Variants in TSPAN7 observed in about 807,000 individuals in gnomAD.
The protein encoded by TSPAN7 is tetraspanin-7.
A neutral mutation model predicts 17.6 loss-of-function variants in TSPAN7; 1 was observed. The ratio of observed to expected loss-of-function variants is 0.06; its 90% CI spans 0.02 to 0.27. The LOEUF (loss-of-function observed/expected upper bound fraction) is 0.27, where lower values mean the gene tolerates loss of function less well. Among genes scored for constraint, TSPAN7 ranks in the 10% least tolerant of loss-of-function variants. TSPAN7 has a pLI of 1.00. For missense variants in TSPAN7, 112 were observed against 201.7 expected (o/e 0.56, Z 2.69); for synonymous variants, 78 against 79.0 (o/e 0.99, Z 0.07).
intron 1 of TSPAN7, among the ~76,000 whole-genome samples, chrX:38,640,126 AT>A (rs1389046467): frequency 8.9e-6 from 1 of 111,922 alleles, no homozygotes; most frequent in African/African-American, 3.2e-5. Context: ...GGTTTAAAAC[AT>A]GATGGTGTGA....
intron 6 of TSPAN7, among the ~76,000 whole-genome samples, chrX:38,686,686 A>G (rs1300119173): frequency 1.8e-5 from 2 of 112,183 alleles, no homozygotes. Flanking sequence ...CAAGTGCACA[A>G]TTGGGCTCCT....
intron 1 of TSPAN7, among the ~76,000 whole-genome samples, chrX:38,616,082 T>C: frequency 8.9e-6 from 1 of 112,434 alleles, no homozygotes; most frequent in Admixed American, 9.4e-5. Context: ...AGAGAGAATG[T>C]ACATCAGAGG....
chrX:38,664,531 C>A (rs1302017515), intron 1 of TSPAN7, among the ~76,000 whole-genome samples: 2 of 111,729 alleles, frequency 1.8e-5, no homozygotes, highest in East Asian at 5.6e-4. Context: ...CATCTGTGTT[C>A]TTGGTTTTCT....
intron 1 of TSPAN7, among the ~76,000 whole-genome samples, chrX:38,651,236 CG>C (rs2069674407): frequency 9.1e-6 from 1 of 110,435 alleles, no homozygotes; most frequent in Admixed American, 9.6e-5. Context: ...GAGGCCGAGG[CG>C]GGTGGATCAT....
intron 1 of TSPAN7, among the ~76,000 whole-genome samples, chrX:38,566,635 G>T (rs1408630220): frequency 9.0e-6 from 1 of 111,677 alleles, no homozygotes; most frequent in African/African-American, 3.3e-5. Context: ...TTATCCTAAT[G>T]ATAGTTCAAT....
chrX:38,570,949 A>G (rs903595994), intron 1 of TSPAN7: 8 of 112,122 alleles, frequency 7.1e-5, no homozygotes, highest in African/African-American at 2.6e-4. Flanking sequence ...TTAAACAGGT[A>G]AGCATTTTAT....
chrX:38,593,311 A>G (rs1038209615), intron 1 of TSPAN7, among the ~76,000 whole-genome samples: 7 of 111,024 alleles, frequency 6.3e-5, no homozygotes, highest in African/African-American at 2.3e-4. Context: ...AATTCTGACC[A>G]TTAATTCTAT....
intron 6 of TSPAN7, among the ~76,000 whole-genome samples, chrX:38,682,977 T>C (rs2069901937): frequency 9.0e-6 from 1 of 111,412 alleles, no homozygotes; most frequent in African/African-American, 3.3e-5. Context: ...CAAAAGGGCG[T>C]CTTGTGTTTG....
At chrX:38,637,234 A>G (rs1251652255) in intron 1 of TSPAN7, among the ~76,000 whole-genome samples, 1 of 111,313 alleles carries the variant, frequency 9.0e-6, no homozygotes, top group Admixed American at 9.5e-5. Flanking sequence ...CTTCCTGTAA[A>G]ATTCCAAAAA....
At chrX:38,644,623 G>T (rs908647500) in intron 1 of TSPAN7, among the ~76,000 whole-genome samples, 1 of 111,488 alleles carries the variant, frequency 9.0e-6, no homozygotes, top group Non-Finnish European at 1.9e-5. Context: ...AATAAATGAC[G>T]TGGATTCTAG....
At chrX:38,596,058 T>TA (rs1340691542) in intron 1 of TSPAN7, among the ~76,000 whole-genome samples, 2 of 111,999 alleles carry the variant, frequency 1.8e-5, no homozygotes, top group African/African-American at 6.5e-5. Context: ...TCTGTGCTTC[T>TA]ACTGCCCTTT....
Position 38,673,756 on chromosome X carries a change from T to A in TSPAN7, c.346-465T>A, listed in dbSNP as rs748812759. Among the ~76,000 whole-genome samples, 68 of 111,253 alleles carry A rather than the reference T, an allele frequency of 6.1e-4. 1 individual carries two copies. Among genetic ancestry groups the A allele is most frequent in the Non-Finnish European group, 1.1e-3 (57 of 53,041 alleles). ...CAGGTAAGTGAAAGTTGGTTTTGCC[T>A]CACTCCTATGGTAAAACAGGGATCA... On this transcript the variant is annotated intron_variant, in intron 3 of 7. Coordinates refer to ENST00000378482, the MANE Select transcript of TSPAN7 (RefSeq NM_004615.4).
intron 2 of TSPAN7, among the ~76,000 whole-genome samples, chrX:38,668,908 T>C (rs1285584524): frequency 9.3e-6 from 1 of 107,785 alleles, no homozygotes; most frequent in Non-Finnish European, 1.9e-5. Context: ...ATAAGAGTTC[T>C]CCCTTTTCCA....
At chrX:38,588,171 A>G (rs2069269312) in intron 1 of TSPAN7, among the ~76,000 whole-genome samples, 3 of 110,959 alleles carry the variant, frequency 2.7e-5, no homozygotes. Flanking sequence ...TTTGTAGTCA[A>G]GGTTTCATAG....
chrX:38,677,234 G>C (rs1302358671), intron 5 of TSPAN7, among the ~76,000 whole-genome samples: 1 of 111,927 alleles, frequency 8.9e-6, no homozygotes, highest in African/African-American at 3.3e-5. Context: ...TGCTTTTCTT[G>C]TCTGTAAAAT....
intron 1 of TSPAN7, among the ~76,000 whole-genome samples, chrX:38,585,959 G>A (rs1461190326): frequency 2.7e-5 from 3 of 112,615 alleles, no homozygotes; most frequent in East Asian, 2.8e-4. Flanking sequence ...CTGCAGAACC[G>A]TGAGCCAAAT....
At chrX:38,588,537 A>G (rs1602089744) in intron 1 of TSPAN7, among the ~76,000 whole-genome samples, 1 of 111,895 alleles carries the variant, frequency 8.9e-6, no homozygotes, top group Admixed American at 9.5e-5. Flanking sequence ...TTATCCATCA[A>G]TCAAGAATTG....
At chrX:38,633,805 A>G (rs2069564089) in intron 1 of TSPAN7, among the ~76,000 whole-genome samples, 1 of 112,597 alleles carries the variant, frequency 8.9e-6, no homozygotes, top group South Asian at 3.6e-4. Flanking sequence ...AGACCATAAA[A>G]GGAATAATAT....
chrX:38,671,490 T>C, intron 3 of TSPAN7, 40 bp downstream of exon 3: 7 of 1,146,499 alleles, frequency 6.1e-6, no homozygotes, highest in Non-Finnish European at 8.4e-6. Flanking sequence ...TAAGGGGTGT[T>C]TGGGAGGAGG....
Sources: allele counts gnomAD v4.1 joint callset (sites outside exome capture counted in the v4.1 genomes callset), GRCh38; gene constraint gnomAD v4.1.1; transcripts MANE v1.5; gene names NCBI Gene and HGNC (gene_info 2026-07-23, HGNC 2026-07-21).